GNAI1: variants seen among roughly 807,000 people sequenced by gnomAD.
The protein encoded by GNAI1 is guanine nucleotide-binding protein G(i) subunit alpha-1.
Under a neutral mutation model 38.9 loss-of-function variants are expected in GNAI1, and 11 were observed. That is an observed-to-expected ratio of 0.28 (90% CI 0.18 to 0.47). The LOEUF (loss-of-function observed/expected upper bound fraction) is 0.47, where lower values mean the gene tolerates loss of function less well. Ranked by LOEUF, GNAI1 falls within the 20% of genes least tolerant of loss-of-function variation. The probability of loss-of-function intolerance (pLI) is 0.99; values close to 1 mark genes in which losing one functional copy is unlikely to be tolerated. For synonymous variants in GNAI1, 166 were observed against 145.1 expected (o/e 1.14, Z -1.04); for missense variants, 317 against 436.9 (o/e 0.73, Z 2.45).
intron 5 of GNAI1, among the ~76,000 whole-genome samples, chr7:80,205,157 G>A (rs563472624): frequency 7.0e-4 from 106 of 152,186 alleles, no homozygotes; most frequent in African/African-American, 2.4e-3. Context: ...TAATTTATAT[G>A]AATATAATAG....
rs141779757 is a variant in GNAI1, at chr7:80,175,934, A to T, written c.119-13017A>T. Among the ~76,000 whole-genome samples the T allele has an allele frequency of 1.6e-4, 24 of 152,302 alleles. No individual in the cohort carries two copies. The East Asian group carries it at 4.6e-3, about 29-fold the overall frequency. Reference sequence around the variant, plus strand: ...CTCTAAGTGTTCAAAGGAAAGGAAGAGTCACAAGTCTCTCAGTTTAAGTCA... The same window carrying T: ...CTCTAAGTGTTCAAAGGAAAGGAAGTGTCACAAGTCTCTCAGTTTAAGTCA... On this transcript the variant is annotated intron_variant, in intron 1 of 7. Coordinates refer to ENST00000649796, the MANE Select transcript of GNAI1 (RefSeq NM_002069.6).
intron 1 of GNAI1, among the ~76,000 whole-genome samples, chr7:80,147,640 C>T (rs1012903074): frequency 1.7e-4 from 26 of 152,300 alleles, no homozygotes; most frequent in Non-Finnish European, 3.1e-4. Flanking sequence ...GCTTCCCCAT[C>T]ACTTCAGCTC....
At chr7:80,177,720 TCTC>T (rs1788214004) in intron 1 of GNAI1, among the ~76,000 whole-genome samples, 2 of 152,174 alleles carry the variant, frequency 1.3e-5, no homozygotes, top group African/African-American at 2.4e-5. Context: ...CTGAAGCTAT[TCTC>T]CTGACTTGGC....
intron 1 of GNAI1, among the ~76,000 whole-genome samples, chr7:80,165,698 A>G (rs994053490): frequency 6.6e-6 from 1 of 152,010 alleles, no homozygotes; most frequent in Non-Finnish European, 1.5e-5. Flanking sequence ...TTTAGTTAAC[A>G]TATTCTGTAA....
rs1584064758 is a variant in GNAI1 at position 80,224,603 on chromosome 7, A to G, written c.*7110A>G. On this transcript the variant is annotated 3_prime_UTR_variant, in exon 8 of 8. Coordinates refer to ENST00000649796, the MANE Select transcript of GNAI1 (RefSeq NM_002069.6). ...CCTGAACAGATGTTAATAAGTATGCATGATGCACATTAGCATGTCAATGGC... is the reference window on the plus strand; with the variant it reads ...CCTGAACAGATGTTAATAAGTATGCGTGATGCACATTAGCATGTCAATGGC... 6.6e-6 allele frequency among the ~76,000 whole-genome samples: 1 copy of G among 152,354 alleles called. No homozygotes were observed. Among genetic ancestry groups the G allele is most frequent in the East Asian group, 1.9e-4 (1 of 5,184 alleles).
chr7:80,200,000 G>A (rs1399458547), intron 4 of GNAI1, among the ~76,000 whole-genome samples: 1 of 151,974 alleles, frequency 6.6e-6, no homozygotes, highest in African/African-American at 2.4e-5. Flanking sequence ...CAGAAAGTTT[G>A]CAAAGCAAGT....
intron 1 of GNAI1, among the ~76,000 whole-genome samples, chr7:80,163,613 A>G (rs915557373): frequency 6.6e-6 from 1 of 152,166 alleles, no homozygotes; most frequent in African/African-American, 2.4e-5. Flanking sequence ...TTAGCCCATT[A>G]TTGTTGAATT....
Position 80,152,289 on chromosome 7 carries a change from C to G in GNAI1, c.118+17011C>G, listed in dbSNP as rs186335478. 6.0e-4 allele frequency among the ~76,000 whole-genome samples: 91 copies of G among 152,132 alleles called. 1 individual carries two copies. In the East Asian group the frequency reaches 0.012, roughly 20 times the overall value. On this transcript the variant is annotated intron_variant, in intron 1 of 7. Coordinates refer to ENST00000649796, the MANE Select transcript of GNAI1 (RefSeq NM_002069.6). ...ATGCAATTAAATGGTATTTTTCCCT[C>G]TATTAGGGAGAAAGGGCCTGGTCAA... is the stretch of plus-strand genomic sequence containing the variant.
intron 1 of GNAI1, among the ~76,000 whole-genome samples, chr7:80,139,106 G>C (rs1787476929): frequency 1.3e-5 from 2 of 152,028 alleles, no homozygotes; most frequent in African/African-American, 2.4e-5. Context: ...CGGTATTTCA[G>C]TATGGGTTGT....
rs71518977 is a variant in GNAI1, at chr7:80,221,628, G to GA, written c.*4138dup. ...GAGTTTATATTTTAATGTTAGGTTG[G>GA]AAATTTTCTTTTTTTTTTTTTTTTT... is the stretch of plus-strand genomic sequence containing the variant. On this transcript the variant is annotated 3_prime_UTR_variant, in exon 8 of 8. Transcript: ENST00000649796. 0.4 allele frequency among the ~76,000 whole-genome samples: 54,677 copies of GA among 137,678 alleles called. 11,553 individuals carry two copies. The highest frequency in any genetic ancestry group is 0.54 in the African/African-American group (20,280 of 37,292). 90.3% of individuals were successfully genotyped at this position (137,678 alleles called of 152,430 possible).
chr7:80,146,420 A>T (rs1271662174), intron 1 of GNAI1, among the ~76,000 whole-genome samples: 1 of 152,128 alleles, frequency 6.6e-6, no homozygotes, highest in Admixed American at 6.5e-5. Flanking sequence ...ATTTTCAAAA[A>T]TTTCTCATAT....
intron 5 of GNAI1, among the ~76,000 whole-genome samples, chr7:80,205,895 C>A (rs1584050509): frequency 6.6e-6 from 1 of 151,926 alleles, no homozygotes; most frequent in South Asian, 2.1e-4. Context: ...TAAATCTTTA[C>A]TGTGAATTAT....
At chr7:80,203,524 C>T (rs759989956) in intron 4 of GNAI1, among the ~76,000 whole-genome samples, 180 bp from the exon 5 acceptor site, 12 of 151,644 alleles carry the variant, frequency 7.9e-5, no homozygotes, top group East Asian at 1.9e-4. Flanking sequence ...TTTTTATTTC[C>T]GTGGGAGTTT....
intron 1 of GNAI1, among the ~76,000 whole-genome samples, chr7:80,146,684 G>A (rs114276629): frequency 1.3e-5 from 2 of 152,226 alleles, no homozygotes; most frequent in Admixed American, 6.5e-5. Context: ...GTATTGCTGA[G>A]CCACAGTCCA....
chr7:80,219,358 G>GT lies in GNAI1; in HGVS notation c.*1866dup, dbSNP rs1289114870. 1 of 152,522 alleles carries GT rather than the reference G, an allele frequency of 6.6e-6. No homozygotes were observed. Among genetic ancestry groups the GT allele is most frequent in the Non-Finnish European group, 1.5e-5 (1 of 68,012 alleles). 9.4% of individuals were successfully genotyped at this position (152,522 alleles called of 1,614,324 possible). A position where few individuals can be genotyped will look rare whatever the true frequency, so the allele number is the denominator to read the frequency against. Reference sequence around the variant, plus strand: ...AATGAAATCCTGAACTTTATTCTGTGTAATTGTGTTAATAAATCCTAATAA... The same window carrying GT: ...AATGAAATCCTGAACTTTATTCTGTGTTAATTGTGTTAATAAATCCTAATAA... On this transcript the variant is annotated 3_prime_UTR_variant, in exon 8 of 8. Coordinates refer to ENST00000649796, the MANE Select transcript of GNAI1 (RefSeq NM_002069.6).
At chr7:80,154,673 A>G (rs1036519113) in intron 1 of GNAI1, among the ~76,000 whole-genome samples, 2 of 152,148 alleles carry the variant, frequency 1.3e-5, no homozygotes, top group African/African-American at 2.4e-5. Flanking sequence ...ATCATCTTTT[A>G]TAGTTGGTTT....
chr7:80,184,045 C>T (rs1301687583), intron 1 of GNAI1, among the ~76,000 whole-genome samples: 2 of 151,968 alleles, frequency 1.3e-5, no homozygotes, highest in Non-Finnish European at 2.9e-5. Context: ...TGCAGTTTTT[C>T]GTTAGCCACT....
intron 1 of GNAI1, among the ~76,000 whole-genome samples, chr7:80,141,386 T>A (rs866153897): frequency 9.2e-5 from 14 of 152,256 alleles, no homozygotes; most frequent in Middle Eastern, 3.4e-3. Context: ...TTCCTGTCTG[T>A]TTGTGGACCT....
At chr7:80,215,026 C>G (rs1788937169) in intron 7 of GNAI1, among the ~76,000 whole-genome samples, 1 of 152,098 alleles carries the variant, frequency 6.6e-6, no homozygotes, top group African/African-American at 2.4e-5. Flanking sequence ...AAACAGAACT[C>G]TTTTTCTTGT....
Sources: gnomAD v4.1 joint callset for allele counts (sites outside exome capture counted in the v4.1 genomes callset) on GRCh38, gnomAD v4.1.1 for gene constraint, MANE v1.5 for transcripts, NCBI Gene and HGNC (gene_info 2026-07-23, HGNC 2026-07-21) for gene names.